The following CEP97 variants were observed in gnomAD, a reference collection of about 807,000 sequenced individuals.
CEP97 encodes the protein centrosomal protein 97.
In CEP97, 43 loss-of-function variants were observed where a neutral mutation model predicts 73.1. The observed-to-expected ratio is 0.59, with a 90% CI of 0.46 to 0.76. CEP97 has a LOEUF of 0.76. Among genes scored for constraint, CEP97 ranks in the 30% least tolerant of loss-of-function variants. The pLI is 0.00. For missense variants in CEP97, 939 were observed against 1,014.0 expected, an observed-to-expected ratio of 0.93 and a Z score of 1.00; for synonymous variants, 337 against 370.0, an observed-to-expected ratio of 0.91 and a Z score of 1.02.
At chr3:101,747,872 T>C (rs1435428602) in intron 6 of CEP97, among the ~76,000 whole-genome samples, 2 of 151,660 alleles carry the variant, frequency 1.3e-5, no homozygotes, top group African/African-American at 4.8e-5. Context: ...CCTGTAATCT[T>C]AGTGCCTGGG....
At position 101,760,415 on chromosome 3, in the gene CEP97, C is replaced by G. The variant is rs987570692; in HGVS notation, c.1817+1992C>G. 2.0e-5 allele frequency among the ~76,000 whole-genome samples: 3 copies of G among 152,266 alleles called. No homozygotes were observed. In the East Asian group the frequency reaches 5.8e-4, roughly 29 times the overall value. ...ATCAGCAATTCTTAGCTGCTCTGGT[C>G]TGATTCAGGCATGGTTAATTTGGTT... is the stretch of plus-strand genomic sequence containing the variant. On this transcript the variant is annotated intron_variant, in intron 9 of 10. Coordinates refer to ENST00000341893, the MANE Select transcript of CEP97 (RefSeq NM_024548.4).
chr3:101,765,641 C>T lies in CEP97; in HGVS notation c.*90C>T, dbSNP rs1939299499. The T allele has an allele frequency of 9.9e-7, 1 of 1,011,722 alleles. No individual in the cohort carries two copies. Among genetic ancestry groups the T allele is most frequent in the South Asian group, 1.6e-5 (1 of 61,338 alleles). The allele number at this position is 1,011,722 out of a possible 1,614,324, so 62.7% of individuals were successfully genotyped here. On this transcript the variant is annotated 3_prime_UTR_variant, in exon 11 of 11. Transcript: ENST00000341893. ...TTTTTTTGGAGGGAAATACTCCCTA[C>T]CCCTAATTTTGTTACTACTTATATA...
intron 6 of CEP97, among the ~76,000 whole-genome samples, chr3:101,744,643 C>T (rs1278528179): frequency 3.0e-5 from 4 of 134,868 alleles, no homozygotes; most frequent in Non-Finnish European, 6.7e-5. Flanking sequence ...TGGTTGGTGC[C>T]GTGCTAGAGA....
chr3:101,736,516 C>T (rs939226765), intron 6 of CEP97, among the ~76,000 whole-genome samples: 2 of 152,214 alleles, frequency 1.3e-5, no homozygotes, highest in African/African-American at 2.4e-5. Context: ...AGGCAGCAAT[C>T]TTTGCTGTTC....
At position 101,765,612 on chromosome 3, in the gene CEP97, T is replaced by C; in HGVS notation, c.*61T>C. On this transcript the variant is annotated 3_prime_UTR_variant, in exon 11 of 11. Transcript: ENST00000341893. ...TCTTAAAAATACTTTCAGTTGCCTT[T>C]GCTTTTTTTTGGAGGGAAATACTCC... The C allele has an allele frequency of 7.1e-7, 1 of 1,407,010 alleles. No individual in the cohort carries two copies. Among genetic ancestry groups the C allele is most frequent in the Non-Finnish European group, 9.7e-7 (1 of 1,032,696 alleles). The allele number at this position is 1,407,010 out of a possible 1,614,324, so 87.2% of individuals were successfully genotyped here.
At chr3:101,749,944 T>C (rs1938752358) in intron 6 of CEP97, among the ~76,000 whole-genome samples, 1 of 151,276 alleles carries the variant, frequency 6.6e-6, no homozygotes, top group South Asian at 2.1e-4. Context: ...ATTTTGTAGG[T>C]TGCCTGTTCA....
At chr3:101,745,148 TG>T (rs1404918331) in intron 6 of CEP97, among the ~76,000 whole-genome samples, 13 of 152,198 alleles carry the variant, frequency 8.5e-5, no homozygotes, top group Non-Finnish European at 1.5e-4. Flanking sequence ...GACAGGAACT[TG>T]CACAAAGCTA....
At chr3:101,749,246 T>C (rs1298130447) in intron 6 of CEP97, among the ~76,000 whole-genome samples, 1 of 151,242 alleles carries the variant, frequency 6.6e-6, no homozygotes, top group Non-Finnish European at 1.5e-5. Context: ...CATGCGGTGT[T>C]TGGATTTTTG....
chr3:101,746,793 A>G lies in CEP97; in HGVS notation c.729-8637A>G, dbSNP rs573643359. ...CAACCTACTCACCTGACAAAGGGCTAATATCCAGAATCTACAATGAACTCA... is the reference window on the plus strand; with the variant it reads ...CAACCTACTCACCTGACAAAGGGCTGATATCCAGAATCTACAATGAACTCA... On this transcript the variant is annotated intron_variant, in intron 6 of 10. Coordinates refer to ENST00000341893, the MANE Select transcript of CEP97 (RefSeq NM_024548.4). Among the ~76,000 whole-genome samples the G allele has an allele frequency of 3.4e-3, 510 of 151,838 alleles. 2 individuals are homozygous for G. Among genetic ancestry groups the G allele is most frequent in the South Asian group, 6.2e-3 (30 of 4,818 alleles).
chr3:101,732,790 C>A, intron 6 of CEP97, 136 bp downstream of exon 6: 1 of 672,686 alleles, frequency 1.5e-6, no homozygotes, highest in Non-Finnish European at 2.4e-6. Flanking sequence ...AGACTATATG[C>A]TGGTCATTTA....
intron 7 of CEP97, 61 bp from the exon 8 acceptor site, chr3:101,757,002 A>C: frequency 6.9e-7 from 1 of 1,452,578 alleles, no homozygotes. Flanking sequence ...TTACCTAGGA[A>C]GCAGAAAATC....
chr3:101,760,870 AT>A (rs34010359), intron 9 of CEP97, among the ~76,000 whole-genome samples: 32,634 of 151,012 alleles, frequency 0.22, 3,987 homozygotes, highest in East Asian at 0.48. Context: ...ATCTAAAAAA[AT>A]TTTTTTTTGA....
At chr3:101,735,388 TGTG>T (rs1014129643) in intron 6 of CEP97, among the ~76,000 whole-genome samples, 20 of 152,076 alleles carry the variant, frequency 1.3e-4, no homozygotes, top group African/African-American at 4.8e-4. Context: ...TAAAGAAGTG[TGTG>T]GGGGGGTGGC....
Position 101,737,908 on chromosome 3 carries a change from A to T in CEP97, c.728+5254A>T, listed in dbSNP as rs114874378. Among the ~76,000 whole-genome samples, 1,134 of 152,084 alleles carry T rather than the reference A, an allele frequency of 7.5e-3. 14 individuals carry two copies. Among genetic ancestry groups the T allele is most frequent in the African/African-American group, 0.026 (1,095 of 41,464 alleles). Reference sequence around the variant, plus strand: ...ACATAGACTGGCAAATTGGATAAAGAATCAAGAACCATTGGTGTGCTGCAC... The same window carrying T: ...ACATAGACTGGCAAATTGGATAAAGTATCAAGAACCATTGGTGTGCTGCAC... On this transcript the variant is annotated intron_variant, in intron 6 of 10. Transcript: ENST00000341893.
rs781725649 is a variant in CEP97, at chr3:101,758,072, T to C, written c.1466T>C (p.Ile489Thr). The change falls in exon 9 of 11, where the codon ATA becomes ACA. Residue 489 changes from isoleucine to threonine, a missense_variant. Coordinates refer to ENST00000341893, the MANE Select transcript of CEP97 (RefSeq NM_024548.4). Reference sequence around the variant, plus strand: ...CTATTACCTTGTCCTGAGCCAACAATAATCAGTGCTATCTTGAAGGATGAT... The same window carrying C: ...CTATTACCTTGTCCTGAGCCAACAACAATCAGTGCTATCTTGAAGGATGAT... ...AGLLPCPEPT[I>T]ISAILKDDNH... The C allele has an allele frequency of 3.1e-6, 5 of 1,614,224 alleles. No homozygotes were observed. In the Admixed American group the frequency reaches 8.3e-5, roughly 27 times the overall value.
intron 6 of CEP97, among the ~76,000 whole-genome samples, chr3:101,748,630 T>C (rs1309856352): frequency 6.6e-6 from 1 of 152,162 alleles, no homozygotes; most frequent in Non-Finnish European, 1.5e-5. Flanking sequence ...ACAGGGATGT[T>C]TCCATGGAAG....
intron 1 of CEP97, among the ~76,000 whole-genome samples, chr3:101,726,357 A>G (rs1205275120): frequency 1.3e-5 from 2 of 152,192 alleles, no homozygotes; most frequent in Admixed American, 1.3e-4. Flanking sequence ...TATCTTAGCA[A>G]CTTGAGGAGA....
chr3:101,762,673 G>T (rs184732954), intron 10 of CEP97, 113 bp downstream of exon 10: 156 of 704,068 alleles, frequency 2.2e-4, no homozygotes, highest in Non-Finnish European at 3.3e-4. Flanking sequence ...AAGGTTAAGG[G>T]TATGGCTTGT....
In CEP97 at chr3:101,757,638, C is replaced by T. The variant is rs373222018; in HGVS notation, c.1032C>T (p.Pro344=). The T allele has an allele frequency of 3.7e-5, 60 of 1,611,188 alleles. No individual in the cohort carries two copies. The highest frequency in any genetic ancestry group is 2.1e-4 in the African/African-American group (16 of 74,814). The change falls in exon 9 of 11, where the codon CCC becomes CCT. Residue 344 remains proline (P), a synonymous_variant. Coordinates refer to ENST00000341893, the MANE Select transcript of CEP97 (RefSeq NM_024548.4). Reference sequence around the variant, plus strand: ...ATACTCTGTTGATTCTTCTAGAACCCGTCATTCAAGTGAATTCTTGGGTTG... The same window carrying T: ...ATACTCTGTTGATTCTTCTAGAACCTGTCATTCAAGTGAATTCTTGGGTTG... ...QDCQISQESE[P]VIQVNSWVGI...
Sources: gnomAD v4.1 joint callset for allele counts (sites outside exome capture counted in the v4.1 genomes callset) on GRCh38, gnomAD v4.1.1 for gene constraint, MANE v1.5 for transcripts, NCBI Gene and HGNC (gene_info 2026-07-23, HGNC 2026-07-21) for gene names.